CLEC19A: variants seen among roughly 807,000 people sequenced by gnomAD.
CLEC19A encodes C-type lectin domain containing 19A.
A neutral mutation model predicts 26.1 loss-of-function variants in CLEC19A; 21 were observed. That is an observed-to-expected ratio of 0.80 (90% CI 0.57 to 1.16). The LOEUF is 1.16. Ranked by LOEUF, CLEC19A falls within the 50% of genes most tolerant of loss-of-function variation. The pLI, the probability that CLEC19A is intolerant of heterozygous loss-of-function variation, is 0.00. For missense variants in CLEC19A, 224 were observed against 227.6 expected (o/e 0.98, Z 0.10); for synonymous variants, 89 against 88.6 (o/e 1.00, Z -0.03).
At chr16:19,301,741 T>G (rs936532281) in intron 2 of CLEC19A, among the ~76,000 whole-genome samples, 2 of 96,786 alleles carry the variant, frequency 2.1e-5, no homozygotes, top group Admixed American at 1.1e-4. Flanking sequence ...TTTTGGTTTT[T>G]TTTTTTTTTT....
chr16:19,285,836 T>C lies in CLEC19A; in HGVS notation c.-16T>C. ...TCCTCCACTCAGGCTGGGAGGTTGC[T>C]TTCTAGGAGCTCAGGATGCAAAGGT... On this transcript the variant is annotated 5_prime_UTR_variant, in exon 1 of 5. Transcript: ENST00000636231. The C allele has an allele frequency of 1.3e-6, 2 of 1,550,210 alleles. No individual in the cohort carries two copies. The highest frequency in any genetic ancestry group is 1.7e-6 in the Non-Finnish European group (2 of 1,146,798).
intron 1 of CLEC19A, among the ~76,000 whole-genome samples, chr16:19,292,973 A>T (rs1033820566): frequency 6.6e-6 from 1 of 152,200 alleles, no homozygotes; most frequent in Non-Finnish European, 1.5e-5. Context: ...GGGAGGTGAG[A>T]CAAAGCAGGA....
intron 4 of CLEC19A, among the ~76,000 whole-genome samples, chr16:19,308,740 T>C (rs1342938000): frequency 6.6e-6 from 1 of 152,200 alleles, no homozygotes; most frequent in African/African-American, 2.4e-5. Context: ...CTTATTTTCC[T>C]GGGAGCCCTC....
intron 1 of CLEC19A, among the ~76,000 whole-genome samples, chr16:19,295,620 T>C (rs539696889): frequency 6.6e-6 from 1 of 151,952 alleles, no homozygotes; most frequent in East Asian, 1.9e-4. Flanking sequence ...CACGTGGGAG[T>C]GAGAAAAGTG....
At chr16:19,300,472 C>T (rs763570848) in intron 2 of CLEC19A, among the ~76,000 whole-genome samples, 9 of 151,006 alleles carry the variant, frequency 6.0e-5, no homozygotes, top group Non-Finnish European at 1.3e-4. Context: ...CACTTGAGCC[C>T]GAGAGGTTGA....
At position 19,307,633 on chromosome 16, in the gene CLEC19A, CAGA is replaced by C. The variant is rs753744626; in HGVS notation, c.444_446del (p.Glu149del). 100 of 1,548,218 alleles carry C rather than the reference CAGA, an allele frequency of 6.5e-5. No individual in the cohort carries two copies. Among genetic ancestry groups the C allele is most frequent in the Middle Eastern group, 2.3e-4 (1 of 4,382 alleles). On this transcript the variant is annotated inframe_deletion, in exon 4 of 5. Transcript: ENST00000636231. ...CCAGATGATGGCGTCCACGCGGACC[CAGA>C]AGAAGAGGACTGCGTGCAGATATGG... is the stretch of plus-strand genomic sequence containing the variant.
intron 1 of CLEC19A, among the ~76,000 whole-genome samples, chr16:19,295,310 A>C (rs527481290): frequency 3.9e-5 from 6 of 152,036 alleles, no homozygotes; most frequent in African/African-American, 1.4e-4. Flanking sequence ...TCCATACTCA[A>C]TCGATCCTCC....
chr16:19,300,900 C>T (rs1395905921), intron 2 of CLEC19A, among the ~76,000 whole-genome samples: 2 of 152,096 alleles, frequency 1.3e-5, no homozygotes, highest in Non-Finnish European at 2.9e-5. Flanking sequence ...ACTCCCAAGC[C>T]GAGGGGGAAA....
chr16:19,309,215 C>A lies in CLEC19A; in HGVS notation c.*132C>A. 1.4e-6 allele frequency: 1 copy of A among 696,304 alleles called. No individual in the cohort carries two copies. The highest frequency in any genetic ancestry group is 2.4e-6 in the Non-Finnish European group (1 of 420,950). The allele number at this position is 696,304 out of a possible 1,614,324, so 43.1% of individuals were successfully genotyped here. The stretch of plus-strand genomic sequence containing the variant: ...CTCTTGGACAGAGATTTTAAACAAG[C>A]AGATCTTAATTATACAGGGTGGTCA... On this transcript the variant is annotated 3_prime_UTR_variant, in exon 5 of 5. Transcript: ENST00000636231.
chr16:19,296,374 G>A (rs566799339), intron 1 of CLEC19A, among the ~76,000 whole-genome samples: 3 of 142,896 alleles, frequency 2.1e-5, no homozygotes, highest in Admixed American at 1.4e-4. Context: ...TTTGATTTTG[G>A]GAAATTCACT....
chr16:19,295,754 GA>G (rs1395364083), intron 1 of CLEC19A, among the ~76,000 whole-genome samples: 1 of 152,174 alleles, frequency 6.6e-6, no homozygotes, highest in Non-Finnish European at 1.5e-5. Context: ...TGGTAGAAAT[GA>G]TTTGCTGCTT....
At position 19,290,750 on chromosome 16, in the gene CLEC19A, G is replaced by A. The variant is rs571702611; in HGVS notation, c.88+4811G>A. ...ACAGCCAGTTTCTAAAATAATCGAG[G>A]GGGCTGCTCCCTGAAGTTTTTGCTG... On this transcript the variant is annotated intron_variant, in intron 1 of 4. Transcript: ENST00000636231. Among the ~76,000 whole-genome samples, 90 of 152,306 alleles carry A rather than the reference G, an allele frequency of 5.9e-4. 1 individual carries two copies. Among genetic ancestry groups the A allele is most frequent in the African/African-American group, 2.1e-3 (86 of 41,564 alleles).
chr16:19,297,444 A>T (rs553768662), intron 1 of CLEC19A, among the ~76,000 whole-genome samples: 147 of 152,336 alleles, frequency 9.6e-4, no homozygotes, highest in Non-Finnish European at 1.8e-3. Flanking sequence ...CTTTCAGGAG[A>T]CAATTTAGCA....
At position 19,310,532 on chromosome 16, in the gene CLEC19A, T is replaced by A. The variant is rs1180740942; in HGVS notation, c.*1449T>A. 6.6e-6 allele frequency: 1 copy of A among 151,872 alleles called. No individual in the cohort carries two copies. The highest frequency in any genetic ancestry group is 1.5e-5 in the Non-Finnish European group (1 of 67,968). 9.4% of individuals were successfully genotyped at this position (151,872 alleles called of 1,614,324 possible). A position where few individuals can be genotyped will look rare whatever the true frequency, so the allele number is the denominator to read the frequency against. On this transcript the variant is annotated 3_prime_UTR_variant, in exon 5 of 5. Transcript: ENST00000636231. ...TTATTGATAAAAACCACAAAAAAAATGAAGACAACCCAAGTGCTCACCAAC... is the reference window on the plus strand; with the variant it reads ...TTATTGATAAAAACCACAAAAAAAAAGAAGACAACCCAAGTGCTCACCAAC...
At chr16:19,305,431 A>C (rs1041142297) in intron 3 of CLEC19A, among the ~76,000 whole-genome samples, 7 of 152,218 alleles carry the variant, frequency 4.6e-5, no homozygotes, top group African/African-American at 1.7e-4. Context: ...AGCTTGGACC[A>C]GATCTCTGCA....
chr16:19,308,544 C>T (rs1898003439), intron 4 of CLEC19A, among the ~76,000 whole-genome samples: 1 of 152,198 alleles, frequency 6.6e-6, no homozygotes, highest in Admixed American at 6.5e-5. Flanking sequence ...ACAATATTCC[C>T]ACTTTGCTGA....
intron 2 of CLEC19A, among the ~76,000 whole-genome samples, chr16:19,299,401 C>T (rs898703947): frequency 6.6e-6 from 1 of 152,180 alleles, no homozygotes; most frequent in African/African-American, 2.4e-5. Flanking sequence ...AGGTAAGTAA[C>T]TTGCTCACAT....
chr16:19,307,498 C>T (rs1897981176), intron 3 of CLEC19A, 47 bp from the exon 4 acceptor site: 1 of 1,543,496 alleles, frequency 6.5e-7, no homozygotes, highest in Non-Finnish European at 8.7e-7. Flanking sequence ...AATGCCTGAT[C>T]TTCTTCTTGG....
intron 1 of CLEC19A, among the ~76,000 whole-genome samples, chr16:19,294,070 C>A (rs1456387199): frequency 6.6e-6 from 1 of 151,986 alleles, no homozygotes; most frequent in South Asian, 2.1e-4. Context: ...CACTAACTAC[C>A]CTTCCTGGCT....
Sources: allele counts gnomAD v4.1 joint callset (sites outside exome capture counted in the v4.1 genomes callset), GRCh38; gene constraint gnomAD v4.1.1; transcripts MANE v1.5; gene names NCBI Gene and HGNC (gene_info 2026-07-23, HGNC 2026-07-21).